The following APP variants were observed in gnomAD, a reference collection of about 807,000 sequenced individuals.
APP encodes the protein amyloid beta precursor protein.
A neutral mutation model predicts 101.4 loss-of-function variants in APP; 31 were observed. The ratio of observed to expected loss-of-function variants is 0.31; its 90% CI spans 0.23 to 0.41. The LOEUF is 0.41. Among genes scored for constraint, APP ranks in the 10% least tolerant of loss-of-function variants. The probability of loss-of-function intolerance (pLI) is 1.00; values close to 1 mark genes in which losing one functional copy is unlikely to be tolerated. For synonymous variants in APP, 366 were observed against 364.4 expected (o/e 1.00, Z -0.05); for missense variants, 839 against 1,003.7 (o/e 0.84, Z 2.22).
intron 17 of APP, among the ~76,000 whole-genome samples, chr21:25,888,547 A>C (rs2037489889): frequency 1.3e-5 from 2 of 151,314 alleles, no homozygotes; most frequent in Non-Finnish European, 2.9e-5. Flanking sequence ...GAGAGGAAAT[A>C]AACAAAACAA....
chr21:25,997,564 C>T (rs2043106194), intron 7 of APP, 148 bp from the exon 8 acceptor site: 1 of 694,804 alleles, frequency 1.4e-6, no homozygotes, highest in African/African-American at 1.8e-5. Context: ...CCAAAATGAA[C>T]ATATAAACAT....
chr21:25,939,617 T>C (rs1185561082), intron 13 of APP, among the ~76,000 whole-genome samples: 3 of 152,190 alleles, frequency 2.0e-5, no homozygotes, highest in African/African-American at 4.8e-5. Flanking sequence ...ACCAAGTTCA[T>C]TCCCCTAGCC....
At chr21:25,904,608 G>A (rs1342436586) in intron 15 of APP, among the ~76,000 whole-genome samples, 1 of 152,114 alleles carries the variant, frequency 6.6e-6, no homozygotes, top group African/African-American at 2.4e-5. Flanking sequence ...TTACCCATCT[G>A]GACACCAAAC....
chr21:25,982,246 A>T (rs2042459988), intron 9 of APP, 98 bp downstream of exon 9: 4 of 1,325,422 alleles, frequency 3.0e-6, no homozygotes, highest in Non-Finnish European at 4.3e-6. Context: ...ATCTTTAAAG[A>T]TCTTGATAAA....
chr21:25,989,949 T>C (rs1008591193), intron 8 of APP, among the ~76,000 whole-genome samples: 29 of 136,722 alleles, frequency 2.1e-4, no homozygotes, highest in African/African-American at 8.1e-4. Context: ...TCTCTCCATT[T>C]TCCTAATTTC....
At chr21:26,010,919 C>T (rs1402867521) in intron 6 of APP, among the ~76,000 whole-genome samples, 5 of 151,278 alleles carry the variant, frequency 3.3e-5, no homozygotes, top group South Asian at 2.1e-4. Context: ...CCCAGGTACT[C>T]GGAGACAGAG....
chr21:25,890,456 G>A, intron 17 of APP, among the ~76,000 whole-genome samples: 1 of 152,170 alleles, frequency 6.6e-6, no homozygotes, highest in Non-Finnish European at 1.5e-5. Context: ...AAAAAGCAAT[G>A]GGGGCCAGAC....
intron 11 of APP, among the ~76,000 whole-genome samples, chr21:25,965,092 G>A (rs1333601128): frequency 1.3e-5 from 2 of 152,330 alleles, no homozygotes; most frequent in Middle Eastern, 3.4e-3. Flanking sequence ...AATGGATAAA[G>A]AGCTAAGATC....
rs200027599 is a variant in APP, at chr21:25,896,436, A to AC, written c.2064+1136_2064+1137insG. Among the ~76,000 whole-genome samples the AC allele has an allele frequency of 5.9e-3, 872 of 147,680 alleles. 9 individuals carry two copies. Among genetic ancestry groups the AC allele is most frequent in the Non-Finnish European group, 7.9e-3 (521 of 66,044 alleles). ...GTAACACTCACACACACACACACAC[A>AC]AAACAAAACAAAAGAAGTGCCTGAG... On this transcript the variant is annotated intron_variant, in intron 16 of 17. Coordinates refer to ENST00000346798, the MANE Select transcript of APP (RefSeq NM_000484.4).
rs2041281967 is a variant in APP, at chr21:25,955,635, G to A, written c.1579C>T (p.Arg527Trp). Residue 527 changes from arginine to tryptophan, a missense_variant, in exon 12 of 18, where the codon CGG (arginine) becomes TGG (tryptophan). Physicochemically the swap from Arg to Trp is moderately radical, Grantham distance 101. Transcript: ENST00000346798. ...TTATACCCCACGCTTACCTGGGACCGGATCTGAGCGGCTTTCTTGGGATCC... is the reference window on the plus strand; with the variant it reads ...TTATACCCCACGCTTACCTGGGACCAGATCTGAGCGGCTTTCTTGGGATCC... ...MVDPKKAAQIRSQVMTHLRVI... is the reference protein window; with the variant it reads ...MVDPKKAAQIWSQVMTHLRVI... The A allele has an allele frequency of 9.9e-6, 16 of 1,614,128 alleles. No individual in the cohort carries two copies. The highest frequency in any genetic ancestry group is 1.4e-5 in the Non-Finnish European group (16 of 1,180,014).
chr21:26,167,841 G>A (rs529234118), intron 1 of APP, among the ~76,000 whole-genome samples: 2 of 152,214 alleles, frequency 1.3e-5, no homozygotes, highest in South Asian at 4.2e-4. Context: ...TGGTTCCGGT[G>A]ACAAGAGAAA....
chr21:26,128,912 A>G (rs148113833), intron 1 of APP, among the ~76,000 whole-genome samples: 91 of 152,340 alleles, frequency 6.0e-4, no homozygotes, highest in African/African-American at 2.1e-3. Flanking sequence ...AGTGAAACAA[A>G]ATAAACAAAA....
intron 6 of APP, among the ~76,000 whole-genome samples, chr21:26,011,354 G>A (rs2043798985): frequency 6.6e-6 from 1 of 152,098 alleles, no homozygotes; most frequent in East Asian, 1.9e-4. Context: ...GGGGTTACAA[G>A]TGTGAGCCAC....
chr21:26,057,411 A>G (rs2046084937), intron 3 of APP, among the ~76,000 whole-genome samples: 1 of 152,202 alleles, frequency 6.6e-6, no homozygotes, highest in Non-Finnish European at 1.5e-5. Flanking sequence ...TTATTGAGAA[A>G]CATACAACCT....
intron 13 of APP, among the ~76,000 whole-genome samples, chr21:25,950,141 C>T (rs2041000960): frequency 6.6e-6 from 1 of 152,298 alleles, no homozygotes; most frequent in Middle Eastern, 3.4e-3. Flanking sequence ...GCCACTGCCA[C>T]ATCTCTATAT....
At chr21:26,133,649 G>T (rs2062839168) in intron 1 of APP, among the ~76,000 whole-genome samples, 1 of 152,120 alleles carries the variant, frequency 6.6e-6, no homozygotes, top group South Asian at 2.1e-4. Flanking sequence ...CAGCACGCTT[G>T]TAATCCCAGC....
At chr21:26,108,160 T>G (rs777132741) in intron 2 of APP, among the ~76,000 whole-genome samples, 8 of 152,136 alleles carry the variant, frequency 5.3e-5, no homozygotes, top group African/African-American at 1.4e-4. Flanking sequence ...GGAAACAGAA[T>G]GCAACTGCCT....
At chr21:25,892,559 A>C in intron 16 of APP, among the ~76,000 whole-genome samples, 1 of 152,242 alleles carries the variant, frequency 6.6e-6, no homozygotes, top group East Asian at 1.9e-4. Context: ...AGTGAAGTAC[A>C]GGCAACAAGA....
intron 9 of APP, among the ~76,000 whole-genome samples, chr21:25,977,770 G>A (rs1321339325): frequency 6.6e-6 from 1 of 152,200 alleles, no homozygotes; most frequent in African/African-American, 2.4e-5. Context: ...AACAAGAATA[G>A]AACATGGAAG....
Sources: gnomAD v4.1 joint callset for allele counts (sites outside exome capture counted in the v4.1 genomes callset) on GRCh38, gnomAD v4.1.1 for gene constraint, MANE v1.5 for transcripts, NCBI Gene and HGNC (gene_info 2026-07-23, HGNC 2026-07-21) for gene names.